The following PRICKLE1 variants were observed in gnomAD, a reference collection of about 807,000 sequenced individuals.
PRICKLE1 encodes the protein prickle planar cell polarity protein 1, also known as prickle-like protein 1.
A neutral mutation model predicts 70.2 loss-of-function variants in PRICKLE1; 14 were observed. The observed-to-expected ratio is 0.20, with a 90% CI of 0.13 to 0.31. PRICKLE1 has a LOEUF of 0.31. PRICKLE1 is among the 10% of genes least tolerant of loss of function. The pLI is 1.00. For synonymous variants in PRICKLE1, 357 were observed against 379.9 expected (o/e 0.94, Z 0.70); for missense variants, 821 against 1,026.2 (o/e 0.80, Z 2.73).
At chr12:42,564,269 A>AAAAAAAG (rs71084673) in intron 1 of PRICKLE1, among the ~76,000 whole-genome samples, 24 of 124,984 alleles carry the variant, frequency 1.9e-4, no homozygotes, top group East Asian at 9.0e-4. Flanking sequence ...AAAAAAAAAA[A>AAAAAAAG]AAAGAAAAGA....
intron 1 of PRICKLE1, among the ~76,000 whole-genome samples, chr12:42,523,653 G>A (rs1221409514): frequency 6.6e-6 from 1 of 152,162 alleles, no homozygotes; most frequent in Non-Finnish European, 1.5e-5. Flanking sequence ...GTGCATTAAA[G>A]GGTAAAAAAT....
At position 42,456,759 on chromosome 12, in the gene PRICKLE1, G is replaced by A. The variant is rs1262642188; in HGVS notation, c.*3050C>T. 1.3e-5 allele frequency: 2 copies of A among 152,128 alleles called. No homozygotes were observed. Among genetic ancestry groups the A allele is most frequent in the Non-Finnish European group, 2.9e-5 (2 of 68,024 alleles). The allele number at this position is 152,128 out of a possible 1,614,324, so 9.4% of individuals were successfully genotyped here. On this transcript the variant is annotated 3_prime_UTR_variant, in exon 8 of 8. Transcript: ENST00000345127. Reference sequence around the variant, plus strand: ...TAGTAATGTGAGAATAGACTAAGTCGGCAACTATAGGCTTTATTTTCTTGC... The same window carrying A: ...TAGTAATGTGAGAATAGACTAAGTCAGCAACTATAGGCTTTATTTTCTTGC...
intron 1 of PRICKLE1, among the ~76,000 whole-genome samples, chr12:42,579,806 C>G (rs762930111): frequency 6.6e-6 from 1 of 151,950 alleles, no homozygotes; most frequent in Non-Finnish European, 1.5e-5. Context: ...CAACAAACAA[C>G]AACAAATCAA....
intron 1 of PRICKLE1, among the ~76,000 whole-genome samples, chr12:42,574,681 C>A (rs1940774897): frequency 6.6e-6 from 1 of 152,146 alleles, no homozygotes. Flanking sequence ...GAAGGCAGAA[C>A]ATTTCAACCT....
rs142560601 is a variant in PRICKLE1, at chr12:42,561,478, T to C, written c.-49+27987A>G. Among the ~76,000 whole-genome samples the C allele has an allele frequency of 6.8e-3, 1,041 of 152,340 alleles. 6 individuals are homozygous for C. Among genetic ancestry groups the C allele is most frequent in the Middle Eastern group, 0.051 (15 of 294 alleles). ...TAGAATTGCTTACTGATGGCATTTA[T>C]CTTCTATGAATATGTGTTTTCAAAT... On this transcript the variant is annotated intron_variant, in intron 1 of 7. Coordinates refer to ENST00000345127, the MANE Select transcript of PRICKLE1 (RefSeq NM_153026.3).
intron 1 of PRICKLE1, among the ~76,000 whole-genome samples, chr12:42,485,960 C>T (rs1339548239): frequency 1.3e-5 from 2 of 152,166 alleles, no homozygotes; most frequent in African/African-American, 2.4e-5. Flanking sequence ...ATGAAACAGA[C>T]TTTAGTCTGG....
chr12:42,564,094 T>G (rs1357972633), intron 1 of PRICKLE1, among the ~76,000 whole-genome samples: 3 of 150,828 alleles, frequency 2.0e-5, no homozygotes, highest in Admixed American at 6.6e-5. Context: ...CCGTCTCTAC[T>G]AAAAGTACAA....
At chr12:42,517,805 A>C (rs1939637440) in intron 1 of PRICKLE1, among the ~76,000 whole-genome samples, 1 of 128,942 alleles carries the variant, frequency 7.8e-6, no homozygotes, top group Admixed American at 7.5e-5. Context: ...TCTTTAAATA[A>C]TTAACTGGGT....
At chr12:42,524,195 G>T (rs1213873329) in intron 1 of PRICKLE1, among the ~76,000 whole-genome samples, 7 of 152,170 alleles carry the variant, frequency 4.6e-5, no homozygotes, top group African/African-American at 1.7e-4. Flanking sequence ...TAACAATCAA[G>T]GCTGTCTTGA....
intron 1 of PRICKLE1, among the ~76,000 whole-genome samples, chr12:42,504,580 TGTAA>T (rs1164552088): frequency 2.0e-5 from 3 of 152,174 alleles, no homozygotes; most frequent in Admixed American, 1.3e-4. Flanking sequence ...GCTCTGTGGC[TGTAA>T]GTAACAGAAA....
intron 1 of PRICKLE1, among the ~76,000 whole-genome samples, chr12:42,543,712 G>A (rs1357346835): frequency 1.3e-5 from 2 of 151,966 alleles, no homozygotes; most frequent in Non-Finnish European, 2.9e-5. Context: ...TAGTAGAGGT[G>A]GGGTTTCACC....
intron 7 of PRICKLE1, among the ~76,000 whole-genome samples, chr12:42,462,443 C>T (rs1339485686): frequency 6.6e-6 from 1 of 152,084 alleles, no homozygotes; most frequent in Non-Finnish European, 1.5e-5. Context: ...TCAGGTGATC[C>T]ACCTGCTTTG....
At chr12:42,551,322 T>C (rs1940312104) in intron 1 of PRICKLE1, among the ~76,000 whole-genome samples, 1 of 152,214 alleles carries the variant, frequency 6.6e-6, no homozygotes, top group African/African-American at 2.4e-5. Flanking sequence ...GAACCACATA[T>C]CTGCCTTCTG....
At chr12:42,543,491 T>A (rs960925249) in intron 1 of PRICKLE1, among the ~76,000 whole-genome samples, 3 of 151,726 alleles carry the variant, frequency 2.0e-5, no homozygotes, top group African/African-American at 7.3e-5. Flanking sequence ...TGCCACCGCA[T>A]CCAGCTCTAC....
chr12:42,534,522 G>T (rs2120564652), intron 1 of PRICKLE1, among the ~76,000 whole-genome samples: 1 of 152,316 alleles, frequency 6.6e-6, no homozygotes, highest in Middle Eastern at 3.4e-3. Context: ...AAGCACTTTT[G>T]ATGAGCTAGA....
At chr12:42,558,814 A>T (rs1482088833) in intron 1 of PRICKLE1, among the ~76,000 whole-genome samples, 1 of 152,234 alleles carries the variant, frequency 6.6e-6, no homozygotes, top group East Asian at 1.9e-4. Context: ...TGAGCACTAC[A>T]ATGAGAAAGT....
At chr12:42,515,623 AAT>A (rs2120430161) in intron 1 of PRICKLE1, among the ~76,000 whole-genome samples, 1 of 152,220 alleles carries the variant, frequency 6.6e-6, no homozygotes, top group Admixed American at 6.5e-5. Context: ...CATATCTGAA[AAT>A]ATATTTTTCT....
chr12:42,466,368 C>T lies in PRICKLE1; in HGVS notation c.601G>A (p.Asp201Asn), dbSNP rs1300341380. Reference sequence around the variant, plus strand: ...CGACCCTCAGCTTCTGTGCACTCATCAGCAAAAATTATCTTCAAAAAGAAA... The same window carrying T: ...CGACCCTCAGCTTCTGTGCACTCATTAGCAAAAATTATCTTCAAAAAGAAA... ...CSACDEIIFADECTEAEGRHW... is the reference protein window; with the variant it reads ...CSACDEIIFANECTEAEGRHW... Residue 201 changes from aspartate to asparagine, a missense_variant, in exon 6 of 8, where the codon GAT (aspartate) becomes AAT (asparagine). Asp to Asn is a conservative substitution (Grantham distance 23). Transcript: ENST00000345127. The T allele has an allele frequency of 8.7e-6, 14 of 1,614,086 alleles. No individual in the cohort carries two copies. In the East Asian group the frequency reaches 2.5e-4, roughly 28 times the overall value.
intron 1 of PRICKLE1, among the ~76,000 whole-genome samples, chr12:42,543,364 ACT>A (rs1429244614): frequency 2.6e-5 from 3 of 114,792 alleles, no homozygotes; most frequent in Non-Finnish European, 3.8e-5. Context: ...TTCATGTATA[ACT>A]CTTTTTTTTT....
Sources: allele counts gnomAD v4.1 joint callset (sites outside exome capture counted in the v4.1 genomes callset), GRCh38; gene constraint gnomAD v4.1.1; transcripts MANE v1.5; gene names NCBI Gene and HGNC (gene_info 2026-07-23, HGNC 2026-07-21).